ESR1: variants seen among roughly 807,000 people sequenced by gnomAD.
ESR1 encodes estrogen receptor 1.
ESR1 carries 12 observed loss-of-function variants against 52.7 expected under a neutral mutation model. The observed-to-expected ratio is 0.23, with a 90% CI of 0.15 to 0.37. The LOEUF (loss-of-function observed/expected upper bound fraction) is 0.37. ESR1 is among the 10% of genes least tolerant of loss of function. The pLI is 1.00. For missense variants in ESR1, 584 were observed against 779.7 expected (o/e 0.75, Z 2.99); for synonymous variants, 305 against 316.8 (o/e 0.96, Z 0.39).
intron 4 of ESR1, among the ~76,000 whole-genome samples, chr6:151,947,214 G>T (rs2128542439): frequency 1.3e-5 from 2 of 152,282 alleles, no homozygotes; most frequent in Non-Finnish European, 2.9e-5. Flanking sequence ...AGGTACTTGG[G>T]ATGTTGAGGT....
chr6:151,850,160 A>C (rs905652988), intron 2 of ESR1, among the ~76,000 whole-genome samples: 1 of 18,058 alleles, frequency 5.5e-5, no homozygotes, highest in African/African-American at 1.0e-4. Context: ...TCCCAGAAAG[A>C]TATGTTGAAG....
chr6:151,668,309 C>T (rs888272374), intron 1 of ESR1, among the ~76,000 whole-genome samples: 18 of 151,684 alleles, frequency 1.2e-4, no homozygotes, highest in African/African-American at 3.6e-4. Context: ...GATAGAGTCT[C>T]GCTCTGTCAC....
intron 3 of ESR1, 57 bp from the exon 4 acceptor site, chr6:151,944,116 A>G (rs1338804183): frequency 1.3e-6 from 2 of 1,507,540 alleles, no homozygotes; most frequent in Non-Finnish European, 1.8e-6. Flanking sequence ...AATTTTTTGT[A>G]TAAAAGTTTA....
chr6:152,000,260 A>G (rs1353754817), intron 4 of ESR1, among the ~76,000 whole-genome samples: 1 of 152,088 alleles, frequency 6.6e-6, no homozygotes, highest in Non-Finnish European at 1.5e-5. Context: ...ATACACTAAG[A>G]GAAGGCACTC....
intron 3 of ESR1, among the ~76,000 whole-genome samples, chr6:151,899,898 T>C (rs1421241077): frequency 1.3e-5 from 2 of 149,508 alleles, no homozygotes; most frequent in African/African-American, 5.0e-5. Context: ...GCAGAGACAC[T>C]CCTCACTTTC....
chr6:151,712,688 G>A (rs1780716063), intron 2 of ESR1, among the ~76,000 whole-genome samples: 1 of 152,174 alleles, frequency 6.6e-6, no homozygotes, highest in Admixed American at 6.5e-5. Context: ...CATTGATTTT[G>A]TATCCTGAGA....
chr6:151,994,955 G>A (rs1251334885), intron 4 of ESR1, among the ~76,000 whole-genome samples: 1 of 152,104 alleles, frequency 6.6e-6, no homozygotes, highest in Non-Finnish European at 1.5e-5. Context: ...ATTAAATAAT[G>A]TCATTTTCCC....
intron 2 of ESR1, among the ~76,000 whole-genome samples, chr6:151,702,446 TCTC>T (rs1206017609): frequency 6.6e-6 from 1 of 152,208 alleles, no homozygotes. Context: ...ACAACCTCCT[TCTC>T]CTCTTGCCAG....
intron 4 of ESR1, among the ~76,000 whole-genome samples, chr6:151,955,291 G>A (rs74753326): frequency 6.6e-6 from 1 of 152,082 alleles, no homozygotes; most frequent in Non-Finnish European, 1.5e-5. Flanking sequence ...TAAAAAGAGG[G>A]TATATTCTAG....
At chr6:151,973,279 G>A (rs1217526794) in intron 4 of ESR1, among the ~76,000 whole-genome samples, 7 of 152,196 alleles carry the variant, frequency 4.6e-5, no homozygotes, top group Admixed American at 4.6e-4. Flanking sequence ...GAGGGGTTGA[G>A]TAATTTGCCC....
intron 2 of ESR1, among the ~76,000 whole-genome samples, chr6:151,722,549 G>T (rs1781536903): frequency 6.6e-6 from 1 of 152,196 alleles, no homozygotes; most frequent in Non-Finnish European, 1.5e-5. Flanking sequence ...CATGTGCACT[G>T]ACACGGCTGA....
chr6:151,819,324 G>A (rs1780176303), intron 1 of ESR1, among the ~76,000 whole-genome samples: 1 of 152,274 alleles, frequency 6.6e-6, no homozygotes, highest in South Asian at 2.1e-4. Context: ...AATGTATAGA[G>A]CAGCAGTCCC....
At chr6:151,910,543 T>A (rs1408731286) in intron 3 of ESR1, among the ~76,000 whole-genome samples, 1 of 152,214 alleles carries the variant, frequency 6.6e-6, no homozygotes, top group African/African-American at 2.4e-5. Context: ...AGCCAGGAAC[T>A]CATTTTGGAG....
chr6:151,797,940 T>A (rs1776865145), intron 2 of ESR1, among the ~76,000 whole-genome samples: 1 of 152,166 alleles, frequency 6.6e-6, no homozygotes, highest in Non-Finnish European at 1.5e-5. Flanking sequence ...ACATATGAGG[T>A]GGGAAAGGAA....
intron 1 of ESR1, among the ~76,000 whole-genome samples, chr6:151,815,536 A>G (rs568467040): frequency 6.6e-6 from 1 of 152,320 alleles, no homozygotes; most frequent in Non-Finnish European, 1.5e-5. Context: ...GGCTGGGAGA[A>G]AGGCCATTTA....
At chr6:151,696,204 C>T (rs968618857) in intron 1 of ESR1, among the ~76,000 whole-genome samples, 46 of 152,168 alleles carry the variant, frequency 3.0e-4, no homozygotes, top group South Asian at 1.2e-3. Flanking sequence ...GGCATGGTGG[C>T]TCATGTCTGT....
At chr6:151,891,018 T>A (rs939632242) in intron 3 of ESR1, among the ~76,000 whole-genome samples, 1 of 152,230 alleles carries the variant, frequency 6.6e-6, no homozygotes, top group African/African-American at 2.4e-5. Context: ...ATCCTTTGAA[T>A]TCTTACTTTT....
At chr6:151,998,500 C>T (rs1002898322) in intron 4 of ESR1, among the ~76,000 whole-genome samples, 2 of 152,012 alleles carry the variant, frequency 1.3e-5, no homozygotes, top group African/African-American at 4.8e-5. Context: ...CATCCTCCTT[C>T]CTAGTGAGTC....
intron 2 of ESR1, among the ~76,000 whole-genome samples, chr6:151,735,815 C>T (rs1055587993): frequency 2.0e-5 from 3 of 152,100 alleles, no homozygotes; most frequent in African/African-American, 4.8e-5. Flanking sequence ...AATCTCCACA[C>T]GTCAAGGGAG....
Sources: allele counts gnomAD v4.1 joint callset (sites outside exome capture counted in the v4.1 genomes callset), GRCh38; gene constraint gnomAD v4.1.1; transcripts MANE v1.5; gene names NCBI Gene and HGNC (gene_info 2026-07-23, HGNC 2026-07-21).